Variants in SMCO2 observed in about 807,000 individuals in gnomAD.
SMCO2 encodes single-pass membrane and coiled-coil domain-containing protein 2.
SMCO2 carries 25 observed loss-of-function variants against 29.5 expected under a neutral mutation model. The observed-to-expected ratio is 0.85, with a 90% CI of 0.62 to 1.18. The LOEUF is 1.18. Among genes scored for constraint, SMCO2 ranks in the 50% most tolerant of loss-of-function variants. The pLI is 0.00. For synonymous variants in SMCO2, 117 were observed against 123.3 expected, an observed-to-expected ratio of 0.95 and a Z score of 0.34; for missense variants, 348 against 344.5, an observed-to-expected ratio of 1.01 and a Z score of -0.08.
At chr12:27,430,768 A>G in the SMCO2 span, among the ~76,000 whole-genome samples, 2 of 152,094 alleles carry the variant, frequency 1.3e-5, no homozygotes, top group African/African-American at 4.8e-5. Flanking sequence ...CTGAAGATAA[A>G]TGCTGGTATT....
At chr12:27,496,422 A>C (rs1030195435) in intron 7 of SMCO2, among the ~76,000 whole-genome samples, 2 of 150,640 alleles carry the variant, frequency 1.3e-5, no homozygotes, top group African/African-American at 5.0e-5. Context: ...TATCTATCTA[A>C]AATCTTAAAA....
the SMCO2 span, among the ~76,000 whole-genome samples, chr12:27,452,629 A>G: frequency 2.0e-5 from 3 of 152,150 alleles, no homozygotes; most frequent in East Asian, 5.8e-4. Context: ...AACTGAGACT[A>G]TAGGTGTGCA....
chr12:27,461,051 G>A, the SMCO2 span, among the ~76,000 whole-genome samples: 2 of 152,050 alleles, frequency 1.3e-5, no homozygotes, highest in East Asian at 3.9e-4. Context: ...CTGAAATCCA[G>A]AAACCACCCC....
At chr12:27,425,985 T>C in the SMCO2 span, among the ~76,000 whole-genome samples, 1 of 152,212 alleles carries the variant, frequency 6.6e-6, no homozygotes, top group Non-Finnish European at 1.5e-5. Flanking sequence ...CAGTAGGTTC[T>C]TTCCAGGTCA....
At chr12:27,478,672 C>T (rs531475313) in intron 4 of SMCO2, among the ~76,000 whole-genome samples, 2 of 152,210 alleles carry the variant, frequency 1.3e-5, no homozygotes, top group African/African-American at 4.8e-5. Context: ...CACATAGGTG[C>T]AGGCAGCAGG....
chr12:27,444,450 T>G, the SMCO2 span, among the ~76,000 whole-genome samples: 1 of 152,188 alleles, frequency 6.6e-6, no homozygotes, highest in Non-Finnish European at 1.5e-5. Context: ...AGATTTCTTG[T>G]GTAAGACCTC....
chr12:27,496,693 T>C (rs1164226144), intron 7 of SMCO2, among the ~76,000 whole-genome samples: 1 of 150,686 alleles, frequency 6.6e-6, no homozygotes, highest in Non-Finnish European at 1.5e-5. Context: ...GAATCTCAGC[T>C]CTGTCTTCAA....
At chr12:27,428,267 T>G in the SMCO2 span, among the ~76,000 whole-genome samples, 1 of 152,162 alleles carries the variant, frequency 6.6e-6, no homozygotes, top group East Asian at 1.9e-4. Flanking sequence ...CATCTTTGTT[T>G]CAAAGTTAAA....
intron 4 of SMCO2, among the ~76,000 whole-genome samples, chr12:27,477,702 C>A (rs527546318): frequency 9.5e-6 from 1 of 105,442 alleles, no homozygotes; most frequent in East Asian, 2.8e-4. Context: ...GAAATGTTTT[C>A]TTCTGCTTGA....
chr12:27,501,482 A>G (rs1414679290), intron 7 of SMCO2, among the ~76,000 whole-genome samples: 1 of 150,218 alleles, frequency 6.7e-6, no homozygotes, highest in Non-Finnish European at 1.5e-5. Flanking sequence ...TATTTTACAA[A>G]TAAAAGTCTG....
At chr12:27,429,904 T>C in the SMCO2 span, among the ~76,000 whole-genome samples, 2 of 152,198 alleles carry the variant, frequency 1.3e-5, no homozygotes, top group Admixed American at 6.5e-5. Flanking sequence ...ATTTCTTTGT[T>C]GTTATGCTTA....
At chr12:27,430,729 C>T in the SMCO2 span, among the ~76,000 whole-genome samples, 1 of 152,112 alleles carries the variant, frequency 6.6e-6, no homozygotes, top group African/African-American at 2.4e-5. Context: ...AAGCCTATTA[C>T]ACGTATTAAT....
chr12:27,440,449 C>T, the SMCO2 span, among the ~76,000 whole-genome samples: 1 of 152,174 alleles, frequency 6.6e-6, no homozygotes, highest in Non-Finnish European at 1.5e-5. Flanking sequence ...CGCAGACAAA[C>T]CCGGAATACT....
chr12:27,429,182 T>C, the SMCO2 span, among the ~76,000 whole-genome samples: 1 of 152,170 alleles, frequency 6.6e-6, no homozygotes, highest in Non-Finnish European at 1.5e-5. Flanking sequence ...AGTAGCAGAT[T>C]GCTTTTTAAA....
intron 3 of SMCO2, among the ~76,000 whole-genome samples, chr12:27,473,635 A>G (rs1949560127): frequency 6.6e-6 from 1 of 152,228 alleles, no homozygotes. Context: ...CCATGTGAGA[A>G]TGAAAATAAA....
At chr12:27,483,908 G>A (rs532075642) in intron 4 of SMCO2, among the ~76,000 whole-genome samples, 1 of 152,064 alleles carries the variant, frequency 6.6e-6, no homozygotes, top group Non-Finnish European at 1.5e-5. Context: ...CCCATGATAC[G>A]TCAGGGGTTT....
the SMCO2 span, among the ~76,000 whole-genome samples, chr12:27,439,876 A>G: frequency 6.6e-6 from 1 of 152,312 alleles, no homozygotes; most frequent in East Asian, 1.9e-4. Context: ...CAAATCTAAG[A>G]ATTATTAGTG....
At chr12:27,451,025 G>A in the SMCO2 span, among the ~76,000 whole-genome samples, 3 of 152,166 alleles carry the variant, frequency 2.0e-5, no homozygotes, top group South Asian at 6.2e-4. Flanking sequence ...AAATTGCCAA[G>A]CCGAGGCTCT....
chr12:27,436,059 C>G, the SMCO2 span, among the ~76,000 whole-genome samples: 45 of 152,320 alleles, frequency 3.0e-4, no homozygotes, highest in African/African-American at 1.1e-3. Context: ...CAACTGTCTT[C>G]CTGCTGTGTC....
Sources: allele counts gnomAD v4.1 joint callset (sites outside exome capture counted in the v4.1 genomes callset), GRCh38; gene constraint gnomAD v4.1.1; transcripts MANE v1.5; gene names NCBI Gene and HGNC (gene_info 2026-07-23, HGNC 2026-07-21).